The following LAMA2 variants were observed in gnomAD, a reference collection of about 807,000 sequenced individuals.
LAMA2 encodes the protein laminin subunit alpha-2.
LAMA2 carries 269 observed loss-of-function variants against 364.8 expected under a neutral mutation model. That is an observed-to-expected ratio of 0.74 (90% CI 0.67 to 0.82). The LOEUF (loss-of-function observed/expected upper bound fraction) is 0.82. Ranked by LOEUF, LAMA2 falls within the 40% of genes least tolerant of loss-of-function variation. The pLI is 0.00. For synonymous variants in LAMA2, 1,379 were observed against 1,370.6 expected (o/e 1.01, Z -0.14); for missense variants, 3,807 against 3,873.2 (o/e 0.98, Z 0.45).
intron 34 of LAMA2, among the ~76,000 whole-genome samples, chr6:129,371,774 T>A (rs1042346240): frequency 6.6e-6 from 1 of 151,500 alleles, no homozygotes; most frequent in Non-Finnish European, 1.5e-5. Context: ...ACCTGGCTAA[T>A]TTTTTTTGTA....
intron 40 of LAMA2, among the ~76,000 whole-genome samples, chr6:129,408,359 A>G (rs4512239): frequency 0.5 from 76,217 of 151,928 alleles, 19,618 homozygotes; most frequent in African/African-American, 0.62. Flanking sequence ...CACCTGCTTC[A>G]GGATGATGGG....
At chr6:129,151,503 C>T (rs923646740) in intron 7 of LAMA2, among the ~76,000 whole-genome samples, 2 of 152,094 alleles carry the variant, frequency 1.3e-5, no homozygotes, top group African/African-American at 4.8e-5. Context: ...GCCTGGGCCA[C>T]ATAGTGAGAC....
In LAMA2 at chr6:129,106,875, A is replaced by AAATAT. The variant is rs1554219038; in HGVS notation, c.639+8461_639+8462insATATA. Among the ~76,000 whole-genome samples the AAATAT allele has an allele frequency of 7.2e-4, 102 of 142,640 alleles. 1 individual carries two copies. Among genetic ancestry groups the AAATAT allele is most frequent in the Middle Eastern group, 3.5e-3 (1 of 282 alleles). 93.6% of individuals were successfully genotyped at this position (142,640 alleles called of 152,430 possible). The stretch of plus-strand genomic sequence containing the variant: ...CCTTACTCCTCCAAAAAAAAAAAAA[A>AAATAT]ATATATATATATATACAATGCCCAG... On this transcript the variant is annotated intron_variant, in intron 4 of 64. Transcript: ENST00000421865.
At chr6:129,219,519 C>A (rs1019125353) in intron 12 of LAMA2, among the ~76,000 whole-genome samples, 6 of 151,406 alleles carry the variant, frequency 4.0e-5, no homozygotes, top group African/African-American at 1.5e-4. Flanking sequence ...TATAAAGACA[C>A]ATGCACACGT....
At chr6:129,100,731 T>G (rs7771065) in intron 4 of LAMA2, among the ~76,000 whole-genome samples, 37,490 of 152,078 alleles carry the variant, frequency 0.25, 5,306 homozygotes, top group African/African-American at 0.4. Context: ...CTAATTCTGA[T>G]ATATCATGGC....
At chr6:129,028,174 C>T (rs1378148140) in intron 1 of LAMA2, among the ~76,000 whole-genome samples, 2 of 151,772 alleles carry the variant, frequency 1.3e-5, no homozygotes, top group East Asian at 3.9e-4. Flanking sequence ...GTGTCAGCTG[C>T]AAAATAAAGT....
In LAMA2 at chr6:129,499,789, C is replaced by T. The variant is rs1583900628; in HGVS notation, c.8245-2870C>T. Among the ~76,000 whole-genome samples, 3 of 152,298 alleles carry T rather than the reference C, an allele frequency of 2.0e-5. No individual in the cohort carries two copies. The Middle Eastern group carries it at 0.01, about 518-fold the overall frequency. The stretch of plus-strand genomic sequence containing the variant: ...TTGGAGTGCAGTGATGCAATCATAG[C>T]TCACTCTAACCTTGAACTCCTAGGC... On this transcript the variant is annotated intron_variant, in intron 58 of 64. Transcript: ENST00000421865.
rs942087265 is a variant in LAMA2, at chr6:129,329,036, C to T, written c.4311+624C>T. Among the ~76,000 whole-genome samples the T allele has an allele frequency of 5.3e-5, 8 of 152,284 alleles. No individual in the cohort carries two copies. In the South Asian group the frequency reaches 6.2e-4, roughly 12 times the overall value. On this transcript the variant is annotated intron_variant, in intron 29 of 64. Coordinates refer to ENST00000421865, the MANE Select transcript of LAMA2 (RefSeq NM_000426.4). ...TGCTGGCACCCTGCACTCTCTACCA[C>T]CATCTGCATTAGAACAATCAGAACA...
chr6:129,174,283 A>C (rs1437538114), intron 9 of LAMA2, among the ~76,000 whole-genome samples: 2 of 152,070 alleles, frequency 1.3e-5, no homozygotes, highest in Non-Finnish European at 2.9e-5. Context: ...TTCATAAGGA[A>C]ATTTTCAAAC....
intron 18 of LAMA2, among the ~76,000 whole-genome samples, chr6:129,281,330 A>G (rs975383005): frequency 4.6e-5 from 7 of 152,180 alleles, no homozygotes; most frequent in Non-Finnish European, 8.8e-5. Context: ...CCAGTTCACT[A>G]CAGGCAACCT....
chr6:129,315,045 T>G (rs1378767921), intron 24 of LAMA2, among the ~76,000 whole-genome samples: 1 of 152,172 alleles, frequency 6.6e-6, no homozygotes, highest in African/African-American at 2.4e-5. Flanking sequence ...AGAGGAACCT[T>G]GTCCGGGAAG....
rs771062387 is a variant in LAMA2 at position 129,464,445 on chromosome 6, G to A, written c.7148G>A (p.Arg2383Gln). 17 of 1,611,454 alleles carry A rather than the reference G, an allele frequency of 1.1e-5. No individual in the cohort carries two copies. The highest frequency in any genetic ancestry group is 1.7e-5 in the Admixed American group (1 of 59,890). Residue 2383 changes from arginine to glutamine, a missense_variant, in exon 50 of 65, where the codon CGA becomes CAA. By Grantham distance (43) the Arg-to-Gln change is conservative. Around this residue, in one of 3 missense-constraint regions of LAMA2, gnomAD observed 3,333 missense variants for 3,345.7 expected, o/e 1.00. Coordinates refer to ENST00000421865, the MANE Select transcript of LAMA2 (RefSeq NM_000426.4). ...GCTCTTCTGATGTATCTTGCCACAC[G>A]AGACCTGGTAAAGATCATATGCATA... ...SSALLMYLAT[R>Q]DLRDFMSVEL...
At chr6:129,260,893 A>G in intron 15 of LAMA2, 71 bp downstream of exon 15, 1 of 899,488 alleles carries the variant, frequency 1.1e-6, no homozygotes, top group Admixed American at 1.7e-5. Context: ...ACCTATTCTA[A>G]TAAGAGCTGT....
chr6:129,158,247 A>G, intron 8 of LAMA2: 7 of 1,614,134 alleles, frequency 4.3e-6, no homozygotes, highest in East Asian at 2.2e-5. Context: ...ATCTGCCGCT[A>G]TGAAACCAAG....
chr6:129,253,169 A>G (rs984025311), intron 14 of LAMA2, among the ~76,000 whole-genome samples: 1 of 152,306 alleles, frequency 6.6e-6, no homozygotes, highest in Middle Eastern at 3.4e-3. Flanking sequence ...TTTAACTTCA[A>G]CTGTGTCTGA....
At chr6:129,476,886 C>T (rs988039184) in intron 53 of LAMA2, among the ~76,000 whole-genome samples, 9 of 152,082 alleles carry the variant, frequency 5.9e-5, no homozygotes, top group Non-Finnish European at 7.4e-5. Flanking sequence ...GAAAGGAGTG[C>T]GGGGGTGGAA....
chr6:129,313,921 A>G (rs1774388186), intron 23 of LAMA2, among the ~76,000 whole-genome samples: 1 of 152,178 alleles, frequency 6.6e-6, no homozygotes, highest in African/African-American at 2.4e-5. Flanking sequence ...TATTTAATAC[A>G]TGTTATGTGT....
At position 129,157,965 on chromosome 6, in the gene LAMA2, T is replaced by A. The variant is rs1252299810; in HGVS notation, c.1206+3282T>A. On this transcript the variant is annotated intron_variant, in intron 8 of 64. Transcript: ENST00000421865. ...AACTTCATTTGTGTCACTGTTGAAT[T>A]TAACAGCAAGGCCCAGGTCAGCAAT... The A allele has an allele frequency of 5.0e-6, 8 of 1,614,044 alleles. No homozygotes were observed. The Admixed American group carries it at 6.7e-5, about 13-fold the overall frequency.
intron 48 of LAMA2, among the ~76,000 whole-genome samples, chr6:129,459,688 A>G (rs4897324): frequency 0.62 from 94,051 of 151,892 alleles, 29,511 homozygotes; most frequent in African/African-American, 0.7. Flanking sequence ...TGTCATCAGC[A>G]TGTCCCCTTT....
Sources: gnomAD v4.1 joint callset for allele counts (sites outside exome capture counted in the v4.1 genomes callset) on GRCh38, gnomAD v4.1.1 for gene constraint, gnomAD v4.1.1 regional missense constraint, MANE v1.5 for transcripts, NCBI Gene and HGNC (gene_info 2026-07-23, HGNC 2026-07-21) for gene names.